KCNT2: variants seen among roughly 807,000 people sequenced by gnomAD.
KCNT2 encodes the protein potassium channel subfamily T member 2.
KCNT2 carries 67 observed loss-of-function variants against 153.8 expected under a neutral mutation model. The ratio of observed to expected loss-of-function variants is 0.44; its 90% CI spans 0.36 to 0.53. KCNT2 has a LOEUF of 0.53. Among genes scored for constraint, KCNT2 ranks in the 20% least tolerant of loss-of-function variants. The pLI, the probability that KCNT2 is intolerant of heterozygous loss-of-function variation, is 0.00. For synonymous variants in KCNT2, 500 were observed against 458.8 expected (o/e 1.09, Z -1.15); for missense variants, 975 against 1,354.8 (o/e 0.72, Z 4.40).
chr1:196,366,174 T>C (rs1324256068), intron 14 of KCNT2, among the ~76,000 whole-genome samples: 5 of 151,842 alleles, frequency 3.3e-5, no homozygotes, highest in Admixed American at 3.3e-4. Flanking sequence ...ATTTTTTTTT[T>C]TTGAGACAGA....
At chr1:196,484,738 G>T (rs1266729690) in intron 3 of KCNT2, among the ~76,000 whole-genome samples, 3 of 151,926 alleles carry the variant, frequency 2.0e-5, no homozygotes, top group African/African-American at 7.3e-5. Flanking sequence ...TCAGTTTTCT[G>T]CATATGGCTA....
In KCNT2 at chr1:196,390,887, A is replaced by ATTTTTTTTTTTT. The variant is rs1243956099; in HGVS notation, c.1294+7675_1294+7676insAAAAAAAAAAAA. 1.8e-5 allele frequency among the ~76,000 whole-genome samples: 2 copies of ATTTTTTTTTTTT among 111,748 alleles called. 1 individual carries two copies. The allele number at this position is 111,748 out of a possible 152,430, so 73.3% of individuals were successfully genotyped here. A position where few individuals can be genotyped will look rare whatever the true frequency, so the allele number is the denominator to read the frequency against. On this transcript the variant is annotated intron_variant, in intron 13 of 27. Coordinates refer to ENST00000294725, the MANE Select transcript of KCNT2 (RefSeq NM_198503.5). ...CCATCCTACTGTTAAGATCTCATTC[A>ATTTTTTTTTTTT]TTCTTTTTTTTTTTTTTTTTTAAAA...
chr1:196,359,315 C>A (rs1367698284), intron 14 of KCNT2, among the ~76,000 whole-genome samples: 2 of 151,922 alleles, frequency 1.3e-5, no homozygotes, highest in African/African-American at 4.8e-5. Context: ...TGTTTACTTT[C>A]CATCTCCCAG....
At chr1:196,320,407 C>A (rs1663177667) in intron 19 of KCNT2, among the ~76,000 whole-genome samples, 1 of 151,804 alleles carries the variant, frequency 6.6e-6, no homozygotes, top group Middle Eastern at 3.5e-3. Flanking sequence ...AAATTATGTA[C>A]AAAATCATAC....
At chr1:196,466,403 C>T (rs893878207) in intron 7 of KCNT2, among the ~76,000 whole-genome samples, 6 of 151,968 alleles carry the variant, frequency 3.9e-5, no homozygotes, top group East Asian at 3.9e-4. Flanking sequence ...AGTGGTTACT[C>T]GATATAAATG....
chr1:196,278,698 C>T (rs1357187363), intron 25 of KCNT2, among the ~76,000 whole-genome samples: 1 of 151,906 alleles, frequency 6.6e-6, no homozygotes, highest in Non-Finnish European at 1.5e-5. Context: ...TGACCAAGGC[C>T]AGAATTTACT....
chr1:196,546,985 G>GA (rs988687895), intron 1 of KCNT2, among the ~76,000 whole-genome samples: 9 of 149,848 alleles, frequency 6.0e-5, no homozygotes, highest in Admixed American at 6.7e-5. Context: ...TTTTTCCATG[G>GA]AAAAAAAAAT....
intron 1 of KCNT2, among the ~76,000 whole-genome samples, chr1:196,578,244 G>C (rs1211889998): frequency 6.7e-6 from 1 of 149,710 alleles, no homozygotes; most frequent in African/African-American, 2.4e-5. Context: ...TCCATAGTTA[G>C]GAAAAAAAAC....
chr1:196,326,328 T>C (rs1663849680), intron 19 of KCNT2, among the ~76,000 whole-genome samples: 1 of 152,028 alleles, frequency 6.6e-6, no homozygotes, highest in Non-Finnish European at 1.5e-5. Context: ...AGTAAATGCT[T>C]CTCTGATAAT....
intron 12 of KCNT2, among the ~76,000 whole-genome samples, chr1:196,405,958 C>G (rs1212234872): frequency 6.6e-6 from 1 of 151,398 alleles, no homozygotes; most frequent in Admixed American, 6.6e-5. Context: ...GGAGAACAAA[C>G]CTGTCTTGAA....
At chr1:196,549,406 A>T (rs1357324363) in intron 1 of KCNT2, among the ~76,000 whole-genome samples, 1 of 151,802 alleles carries the variant, frequency 6.6e-6, no homozygotes, top group Non-Finnish European at 1.5e-5. Context: ...AAAAACACAT[A>T]TAATTTTATT....
At chr1:196,254,751 A>G (rs1656310817) in intron 26 of KCNT2, among the ~76,000 whole-genome samples, 1 of 151,540 alleles carries the variant, frequency 6.6e-6, no homozygotes, top group African/African-American at 2.4e-5. Context: ...TTTCTTTTGC[A>G]TAAGAAAGAC....
intron 13 of KCNT2, among the ~76,000 whole-genome samples, chr1:196,377,602 T>C (rs1669082372): frequency 6.6e-6 from 1 of 152,032 alleles, no homozygotes; most frequent in Non-Finnish European, 1.5e-5. Flanking sequence ...TTGCTGATTT[T>C]AGTCAGCAAT....
At chr1:196,573,948 G>C (rs1661063518) in intron 1 of KCNT2, among the ~76,000 whole-genome samples, 1 of 151,664 alleles carries the variant, frequency 6.6e-6, no homozygotes, top group Admixed American at 6.6e-5. Context: ...TTTCTTGAAG[G>C]GGGAGAGAGA....
At chr1:196,411,006 GCTCC>G (rs1411660107) in intron 12 of KCNT2, among the ~76,000 whole-genome samples, 7 of 115,772 alleles carry the variant, frequency 6.0e-5, no homozygotes, top group East Asian at 4.8e-4. Context: ...CTTCCTCATT[GCTCC>G]CTCCCTCCCT....
At chr1:196,597,676 G>A (rs1034439549) in intron 1 of KCNT2, among the ~76,000 whole-genome samples, 1 of 151,880 alleles carries the variant, frequency 6.6e-6, no homozygotes, top group Non-Finnish European at 1.5e-5. Flanking sequence ...GGCTAACCTC[G>A]CAACCCATCT....
At chr1:196,548,963 C>G (rs1657513666) in intron 1 of KCNT2, among the ~76,000 whole-genome samples, 1 of 146,150 alleles carries the variant, frequency 6.8e-6, no homozygotes, top group Non-Finnish European at 1.5e-5. Context: ...AATGAGAACA[C>G]ATGGACACAG....
intron 27 of KCNT2, among the ~76,000 whole-genome samples, chr1:196,235,292 C>T (rs888587769): frequency 3.3e-5 from 5 of 151,330 alleles, no homozygotes; most frequent in African/African-American, 9.7e-5. Flanking sequence ...TCTATCTACC[C>T]TTCAGAGTCT....
At chr1:196,595,682 C>T (rs1218510477) in intron 1 of KCNT2, among the ~76,000 whole-genome samples, 1 of 151,914 alleles carries the variant, frequency 6.6e-6, no homozygotes, top group African/African-American at 2.4e-5. Context: ...TTGTAGTAGG[C>T]TTTTAATTTT....
Sources: allele counts gnomAD v4.1 joint callset (sites outside exome capture counted in the v4.1 genomes callset), GRCh38; gene constraint gnomAD v4.1.1; transcripts MANE v1.5; gene names NCBI Gene and HGNC (gene_info 2026-07-23, HGNC 2026-07-21).